LPP: variants seen among roughly 807,000 people sequenced by gnomAD.
LPP encodes the protein lipoma-preferred partner.
In LPP, 38 loss-of-function variants were observed where a neutral mutation model predicts 60.4. That is an observed-to-expected ratio of 0.63 (90% CI 0.49 to 0.83). The LOEUF is 0.83. Ranked by LOEUF, LPP falls within the 40% of genes least tolerant of loss-of-function variation. The pLI, the probability that LPP is intolerant of heterozygous loss-of-function variation, is 0.00. For missense variants in LPP, 902 were observed against 783.6 expected (o/e 1.15, Z -1.80); for synonymous variants, 328 against 290.8 (o/e 1.13, Z -1.30).
chr3:188,422,139 C>T (rs1296724136), intron 4 of LPP, among the ~76,000 whole-genome samples: 1 of 152,162 alleles, frequency 6.6e-6, no homozygotes, highest in Admixed American at 6.6e-5. Flanking sequence ...TTACCTTTCT[C>T]TTCCTCTAGG....
chr3:188,692,347 G>A (rs1862316211), intron 7 of LPP, among the ~76,000 whole-genome samples: 1 of 152,140 alleles, frequency 6.6e-6, no homozygotes, highest in Admixed American at 6.5e-5. Flanking sequence ...AGAACAAAGA[G>A]GGACATAAAG....
intron 6 of LPP, among the ~76,000 whole-genome samples, chr3:188,602,160 A>G (rs1356818307): frequency 1.7e-5 from 2 of 120,962 alleles, no homozygotes; most frequent in East Asian, 2.0e-4. Flanking sequence ...TATAATATAT[A>G]TATAATATAT....
intron 1 of LPP, among the ~76,000 whole-genome samples, chr3:188,187,886 G>C (rs916496160): frequency 6.6e-6 from 1 of 151,814 alleles, no homozygotes; most frequent in Non-Finnish European, 1.5e-5. Context: ...TTAATACCAG[G>C]CAGTTTTGTT....
At chr3:188,247,266 A>G in intron 2 of LPP, 1 of 684,304 alleles carries the variant, frequency 1.5e-6, no homozygotes, top group Non-Finnish European at 1.8e-6. Flanking sequence ...AGTGGGAAAA[A>G]AAAAAAAACG....
At chr3:188,749,722 A>G (rs1727463129) in intron 8 of LPP, among the ~76,000 whole-genome samples, 1 of 152,202 alleles carries the variant, frequency 6.6e-6, no homozygotes. Context: ...GCTTTTAGTT[A>G]TTATAAGATT....
intron 1 of LPP, among the ~76,000 whole-genome samples, chr3:188,167,578 T>C (rs1720365539): frequency 1.6e-5 from 2 of 125,080 alleles, no homozygotes; most frequent in South Asian, 3.0e-4. Flanking sequence ...ATGTTATCTT[T>C]GTGTGTGTGT....
At chr3:188,222,429 A>G (rs537256047) in intron 1 of LPP, among the ~76,000 whole-genome samples, 7 of 152,286 alleles carry the variant, frequency 4.6e-5, no homozygotes, top group African/African-American at 1.7e-4. Context: ...CGTGCTAGAT[A>G]TGGGATCCCA....
chr3:188,821,831 T>A (rs1462781087), intron 9 of LPP, among the ~76,000 whole-genome samples: 2 of 152,156 alleles, frequency 1.3e-5, no homozygotes, highest in Non-Finnish European at 2.9e-5. Flanking sequence ...CCATTTTTTT[T>A]ACTCATTCTT....
intron 7 of LPP, among the ~76,000 whole-genome samples, chr3:188,684,748 A>C (rs1044550953): frequency 3.2e-4 from 48 of 152,136 alleles, no homozygotes; most frequent in East Asian, 1.4e-3. Flanking sequence ...AAAAAAAAAA[A>C]CAAAATTTTC....
At chr3:188,290,035 A>T (rs182699733) in intron 2 of LPP, among the ~76,000 whole-genome samples, 30 of 151,948 alleles carry the variant, frequency 2.0e-4, no homozygotes, top group African/African-American at 6.5e-4. Context: ...ATCGCCCAGG[A>T]TGGAGTGCAG....
chr3:188,300,821 C>A (rs1749590304), intron 2 of LPP, among the ~76,000 whole-genome samples: 1 of 152,072 alleles, frequency 6.6e-6, no homozygotes, highest in Non-Finnish European at 1.5e-5. Flanking sequence ...TTGCTGGGCA[C>A]ATATATAATA....
intron 2 of LPP, among the ~76,000 whole-genome samples, chr3:188,272,479 G>C (rs906324490): frequency 3.3e-5 from 5 of 152,110 alleles, no homozygotes; most frequent in African/African-American, 1.2e-4. Context: ...CCACCTAACG[G>C]TTCTAGTTTT....
chr3:188,529,809 T>C (rs1466289676), intron 6 of LPP, among the ~76,000 whole-genome samples: 1 of 152,220 alleles, frequency 6.6e-6, no homozygotes. Context: ...AGAGTGATAT[T>C]TAATCTTACA....
At chr3:188,837,421 A>C (rs114987458) in intron 9 of LPP, among the ~76,000 whole-genome samples, 36 of 141,720 alleles carry the variant, frequency 2.5e-4, no homozygotes, top group East Asian at 1.3e-3. Flanking sequence ...TAATAATAAT[A>C]ATCTGTGCTT....
rs116907367 is a variant in LPP, at chr3:188,484,677, T to G, written c.279T>G (p.Pro93=). 6.2e-4 allele frequency: 1,005 copies of G among 1,613,096 alleles called. 14 individuals are homozygous for G. In the East Asian group the frequency reaches 0.019, roughly 30 times the overall value. ...CTGGAAACTTTCCTCCTCCACCACC[T>G]CTTGATGAAGAGGCTTTCAAAGTAC... The part of the protein sequence containing the change: ...SISGNFPPPP[P]LDEEAFKVQG... Residue 93 remains proline (P), a synonymous_variant, in exon 5 of 12, where the codon CCT becomes CCG. Coordinates refer to ENST00000617246, the MANE Select transcript of LPP (RefSeq NM_001375462.1).
At chr3:188,533,489 A>G (rs1301269532) in intron 6 of LPP, among the ~76,000 whole-genome samples, 2 of 152,176 alleles carry the variant, frequency 1.3e-5, no homozygotes, top group African/African-American at 2.4e-5. Context: ...TCCTCCTCCT[A>G]TATTCTCTTA....
intron 7 of LPP, among the ~76,000 whole-genome samples, chr3:188,665,984 G>A (rs6793549): frequency 0.99 from 150,830 of 152,358 alleles, 74,669 homozygotes; most frequent in East Asian, 1. Context: ...TTAGTGTTTT[G>A]GTCAGAAATG....
At chr3:188,186,946 T>C (rs1726777583) in intron 1 of LPP, among the ~76,000 whole-genome samples, 1 of 152,190 alleles carries the variant, frequency 6.6e-6, no homozygotes, top group African/African-American at 2.4e-5. Context: ...GTGGTTTCCT[T>C]TATGTTTACA....
At chr3:188,415,908 G>A (rs1786144009) in intron 4 of LPP, among the ~76,000 whole-genome samples, 1 of 152,060 alleles carries the variant, frequency 6.6e-6, no homozygotes, top group Non-Finnish European at 1.5e-5. Flanking sequence ...ACATAGAACT[G>A]TATGCACACA....
Sources: gnomAD v4.1 joint callset for allele counts (sites outside exome capture counted in the v4.1 genomes callset) on GRCh38, gnomAD v4.1.1 for gene constraint, MANE v1.5 for transcripts, NCBI Gene and HGNC (gene_info 2026-07-23, HGNC 2026-07-21) for gene names.